TNXB: variants seen among roughly 807,000 people sequenced by gnomAD.
TNXB encodes tenascin-X.
TNXB carries 183 observed loss-of-function variants against 340.5 expected under a neutral mutation model. The ratio of observed to expected loss-of-function variants is 0.54; its 90% CI spans 0.48 to 0.61. The LOEUF (loss-of-function observed/expected upper bound fraction) is 0.61. TNXB is among the 20% of genes least tolerant of loss of function. TNXB has a pLI of 0.00. For synonymous variants in TNXB, 2,121 were observed against 2,314.5 expected (o/e 0.92, Z 2.40); for missense variants, 4,613 against 5,446.4 (o/e 0.85, Z 4.82).
intron 43 of TNXB, 87 bp downstream of exon 43, chr6:32,041,684 G>C (rs1776411688): frequency 8.8e-7 from 1 of 1,140,908 alleles, no homozygotes; most frequent in Non-Finnish European, 1.3e-6. Flanking sequence ...CAGCCACTCA[G>C]TCCCTTGCCT....
chr6:32,095,771 G>A lies in TNXB; in HGVS notation c.2082C>T (p.Pro694=). 1 of 1,613,724 alleles carries A rather than the reference G, an allele frequency of 6.2e-7. No individual in the cohort carries two copies. Among genetic ancestry groups the A allele is most frequent in the Non-Finnish European group, 8.5e-7 (1 of 1,179,800 alleles). Residue 694 remains proline (P), a synonymous_variant, in exon 3 of 44, where the codon CCC becomes CCT. Coordinates refer to ENST00000644971, the MANE Select transcript of TNXB (RefSeq NM_001365276.2). ...PASACPGGCG[P]RELCRAGQCV... is the part of the protein sequence containing the mutation. ...ACTGGCCTGCCCGGCACAGTTCCCGGGGCCCGCAGCCTCCAGGGCAGGCGC... is the reference window on the plus strand; with the variant it reads ...ACTGGCCTGCCCGGCACAGTTCCCGAGGCCCGCAGCCTCCAGGGCAGGCGC...
Position 32,048,477 on chromosome 6 carries a change from C to T in TNXB, c.9931G>A (p.Asp3311Asn). 1 of 1,600,686 alleles carries T rather than the reference C, an allele frequency of 6.2e-7. No homozygotes were observed. Residue 3311 changes from aspartate (D) to asparagine (N), a missense_variant, in exon 29 of 44, where the codon GAC becomes AAC. Transcript: ENST00000644971. ...GQPQAVPVSG[D>N]LRAVAVSGLD... The stretch of plus-strand genomic sequence containing the variant: ...CCCGAGACGGCGACCGCTCGGAGGT[C>T]TCCGCTCACAGGCACTGCCTGGGGC...
At position 32,048,445 on chromosome 6, in the gene TNXB, G is replaced by A; in HGVS notation, c.9963C>T (p.Asp3321=). The A allele has an allele frequency of 6.3e-7, 1 of 1,584,400 alleles. No individual in the cohort carries two copies. Among genetic ancestry groups the A allele is most frequent in the Admixed American group, 1.7e-5 (1 of 57,696 alleles). ...GCAGGAACTTGTACTTGCGGGCCGG[G>A]TCCAGCCCCGAGACGGCGACCGCTC... ...DLRAVAVSGL[D]PARKYKFLLF... is the part of the protein sequence containing the mutation. Residue 3321 remains aspartate (D), a synonymous_variant, in exon 29 of 44, where the codon GAC becomes GAT. Transcript: ENST00000644971.
In TNXB at chr6:32,095,877, C is replaced by T. The variant is rs781597053; in HGVS notation, c.1976G>A (p.Arg659His). Residue 659 changes from arginine (R) to histidine (H), a missense_variant, in exon 3 of 44, where the codon CGT (arginine) becomes CAT (histidine). Transcript: ENST00000644971. ...GCACACTCCTTGCACACACCGCCCACGTCCCCGGCAGTCAGCCGGGCACAT... is the reference window on the plus strand; with the variant it reads ...GCACACTCCTTGCACACACCGCCCATGTCCCCGGCAGTCAGCCGGGCACAT... ...TRMCPADCRG[R>H]GRCVQGVCLC... The T allele has an allele frequency of 2.9e-5, 46 of 1,612,638 alleles. 1 individual carries two copies. Among genetic ancestry groups the T allele is most frequent in the South Asian group, 1.1e-4 (10 of 90,946 alleles).
Position 32,095,685 on chromosome 6 carries a change from C to A in TNXB, c.2168G>T (p.Cys723Phe), listed in dbSNP as rs1780291142. 1.2e-6 allele frequency: 2 copies of A among 1,614,080 alleles called. No individual in the cohort carries two copies. Among genetic ancestry groups the A allele is most frequent in the East Asian group, 2.2e-5 (1 of 44,882 alleles). ...DCAIQTCPGD[C>F]RGRGECHDGS... ...ATCGTGACACTCTCCTCGGCCACGGCAGTCCCCTGGGCATGTCTGGATGGC... is the reference window on the plus strand; with the variant it reads ...ATCGTGACACTCTCCTCGGCCACGGAAGTCCCCTGGGCATGTCTGGATGGC... The change falls in exon 3 of 44, where the codon TGC becomes TTC. Residue 723 changes from cysteine (C) to phenylalanine (F), a missense_variant. By Grantham distance (205) the Cys-to-Phe change is radical. Transcript: ENST00000644971.
chr6:32,062,024 G>C lies in TNXB; in HGVS notation c.7168+133C>G. 1 of 1,225,482 alleles carries C rather than the reference G, an allele frequency of 8.2e-7. No individual in the cohort carries two copies. The highest frequency in any genetic ancestry group is 1.5e-5 in the African/African-American group (1 of 65,660). The allele number at this position is 1,225,482 out of a possible 1,614,324, so 75.9% of individuals were successfully genotyped here. ...GTCAACCACACAAAAAGGTACAATG[G>C]GAGCCCCAGCCCCAGCCACAAGTAG... On this transcript the variant is annotated intron_variant, in intron 20 of 43. Transcript: ENST00000644971. This position sits in a 1 kb window ranked among gnomAD's most constrained non-coding sequence, Gnocchi z 4.3.
intron 6 of TNXB, among the ~76,000 whole-genome samples, chr6:32,088,448 GATCT>G (rs1385941800): frequency 1.3e-5 from 2 of 152,140 alleles, no homozygotes; most frequent in African/African-American, 4.8e-5. Context: ...AGTCCCACAA[GATCT>G]ATCAGCACAA....
chr6:32,070,334 G>A lies in TNXB; in HGVS notation c.5071C>T (p.Arg1691Cys), dbSNP rs1398879319. 8.1e-6 allele frequency: 13 copies of A among 1,610,582 alleles called. No individual in the cohort carries two copies. The highest frequency in any genetic ancestry group is 5.3e-5 in the African/African-American group (4 of 74,906). ...CCCTCAGGAACCGTCCAGGAGAGGC[G>A]CAGTGAGTCTGGGGTGGGGTCTGTC... ...WVTDPTPDSL[R>C]LSWTVPEGQF... The change falls in exon 14 of 44, where the codon CGC (arginine) becomes TGC (cysteine). Residue 1691 changes from arginine to cysteine, a missense_variant. Physicochemically the swap from Arg to Cys is radical, Grantham distance 180. Coordinates refer to ENST00000644971, the MANE Select transcript of TNXB (RefSeq NM_001365276.2). The surrounding 1 kb of genome is among the most constrained non-coding windows in gnomAD (Gnocchi z 6.0).
rs1204591377 is a variant in TNXB, at chr6:32,062,212, C to T, written c.7113G>A (p.Leu2371=). 1 of 1,613,122 alleles carries T rather than the reference C, an allele frequency of 6.2e-7. No homozygotes were observed. Among genetic ancestry groups the T allele is most frequent in the South Asian group, 1.1e-5 (1 of 91,090 alleles). The change falls in exon 20 of 44, where the codon CTG becomes CTA. Residue 2371 remains leucine (L), a synonymous_variant. Coordinates refer to ENST00000644971, the MANE Select transcript of TNXB (RefSeq NM_001365276.2). This position sits in a 1 kb window ranked among gnomAD's most constrained non-coding sequence, Gnocchi z 4.3. ...LEPDNKYKMN[L]YGFHGGQRVG... ...CACGCTGGCCACCGTGGAAGCCGTA[C>T]AGGTTCATCTTGTACTTGTTGTCTG...
chr6:32,052,547 C>T lies in TNXB; in HGVS notation c.9115+123G>A. The T allele has an allele frequency of 7.4e-7, 1 of 1,345,614 alleles. No homozygotes were observed. The highest frequency in any genetic ancestry group is 1.5e-5 in the South Asian group (1 of 66,532). The allele number at this position is 1,345,614 out of a possible 1,614,324, so 83.4% of individuals were successfully genotyped here. On this transcript the variant is annotated intron_variant, in intron 26 of 43. Coordinates refer to ENST00000644971, the MANE Select transcript of TNXB (RefSeq NM_001365276.2). This position sits in a 1 kb window ranked among gnomAD's most constrained non-coding sequence, Gnocchi z 4.7. ...TCCAAATCTGCTTTTTAACAAAAAT[C>T]TCCAGGCATTTGGATACACAAAGGA...
chr6:32,047,793 A>G lies in TNXB; in HGVS notation c.10265T>C (p.Leu3422Pro). 1 of 1,610,406 alleles carries G rather than the reference A, an allele frequency of 6.2e-7. No homozygotes were observed. The highest frequency in any genetic ancestry group is 8.5e-7 in the Non-Finnish European group (1 of 1,178,996). The change falls in exon 30 of 44, where the codon CTG (leucine) becomes CCG (proline). Residue 3422 changes from leucine (L) to proline (P), a missense_variant. Physicochemically the swap from Leu to Pro is moderately conservative, Grantham distance 98. Transcript: ENST00000644971. This position sits in a 1 kb window ranked among gnomAD's most constrained non-coding sequence, Gnocchi z 6.2. ...GLEPSRKYRF[L>P]LYGLSGRKRL... ...TTTCCTGCCTGACAGACCATAGAGC[A>G]GGAACCTGTATTTCCTACTGGGCTC...
chr6:32,097,975 T>A lies in TNXB; in HGVS notation c.224A>T (p.His75Leu). The A allele has an allele frequency of 1.9e-6, 3 of 1,607,114 alleles. No homozygotes were observed. Among genetic ancestry groups the A allele is most frequent in the Non-Finnish European group, 2.5e-6 (3 of 1,178,010 alleles). ...EGGEKQVVFT[H>L]RINLPPSTGC... is the part of the protein sequence containing the mutation. ...AGTGGAAGGGGGCAGGTTAATGCGG[T>A]GGGTGAATACCACCTGCTTCTCCCC... Residue 75 changes from histidine (H) to leucine (L), a missense_variant, in exon 2 of 44, where the codon CAC (histidine) becomes CTC (leucine). Transcript: ENST00000644971. This position sits in a 1 kb window ranked among gnomAD's most constrained non-coding sequence, Gnocchi z 5.9.
chr6:32,102,381 CAA>C (rs1261665437), intron 1 of TNXB, among the ~76,000 whole-genome samples: 15 of 152,138 alleles, frequency 9.9e-5, no homozygotes, highest in African/African-American at 3.6e-4. Flanking sequence ...GAAAGCAACT[CAA>C]GTGTCCATTC....
Position 32,070,143 on chromosome 6 carries a change from A to T in TNXB, c.5262T>A (p.Thr1754=), listed in dbSNP as rs776497951. 1 of 1,581,932 alleles carries T rather than the reference A, an allele frequency of 6.3e-7. No individual in the cohort carries two copies. Among genetic ancestry groups the T allele is most frequent in the East Asian group, 2.3e-5 (1 of 44,334 alleles). ...GCCCCTCACCCGTGGTGCCGTCGGC[A>T]GTGAGAGGGCCATGGCGCTTCTTGC... ...LLGKKRHGPL[T]ADGTTEARSA... The change falls in exon 14 of 44, where the codon ACT becomes ACA. Residue 1754 remains threonine, a synonymous_variant. Coordinates refer to ENST00000644971, the MANE Select transcript of TNXB (RefSeq NM_001365276.2). This position sits in a 1 kb window ranked among gnomAD's most constrained non-coding sequence, Gnocchi z 6.0.
In TNXB at chr6:32,062,278, C is replaced by A; in HGVS notation, c.7047G>T (p.Val2349=). The change falls in exon 20 of 44, where the codon GTG becomes GTT. Residue 2349 remains valine (V), a synonymous_variant. Coordinates refer to ENST00000644971, the MANE Select transcript of TNXB (RefSeq NM_001365276.2). The surrounding 1 kb of genome is among the most constrained non-coding windows in gnomAD (Gnocchi z 4.3). The stretch of plus-strand genomic sequence containing the variant: ...TGGTGACCCTGTCCTCATGTCCTGG[C>A]ACCCGTGTTGCCTTGGGCTGCCCAT... ...NGDGQPKATR[V]PGHEDRVTIS... The A allele has an allele frequency of 1.9e-6, 3 of 1,613,366 alleles. No homozygotes were observed. Among genetic ancestry groups the A allele is most frequent in the Non-Finnish European group, 8.5e-7 (1 of 1,179,838 alleles).
rs899663568 is a variant in TNXB at position 32,082,068 on chromosome 6, C to T, written c.3704G>A (p.Arg1235Gln). The change falls in exon 9 of 44, where the codon CGG becomes CAG. Residue 1235 changes from arginine (R) to glutamine (Q), a missense_variant. This residue lies in a region of TNXB where 4,327 missense variants were observed against 4,859.4 expected (regional missense o/e 0.89). Transcript: ENST00000644971. The surrounding 1 kb of genome is among the most constrained non-coding windows in gnomAD (Gnocchi z 5.0). ...FTLFGIANKKRYGPLTADGTT... is the reference protein window; with the variant it reads ...FTLFGIANKKQYGPLTADGTT... ...GCCATCGGCCGTGAGGGGGCCATAC[C>T]GCTTCTTGTTCGCAATTCCAAACAG... is the stretch of plus-strand genomic sequence containing the variant. 1.5e-5 allele frequency: 24 copies of T among 1,607,882 alleles called. 1 individual carries two copies. Among genetic ancestry groups the T allele is most frequent in the East Asian group, 2.2e-5 (1 of 44,750 alleles).
rs778622364 is a variant in TNXB at position 32,064,461 on chromosome 6, C to A, written c.6841+360G>T. Among the ~76,000 whole-genome samples, 3 of 152,094 alleles carry A rather than the reference C, an allele frequency of 2.0e-5. No homozygotes were observed. The highest frequency in any genetic ancestry group is 7.2e-5 in the African/African-American group (3 of 41,424). On this transcript the variant is annotated intron_variant, in intron 19 of 43. Coordinates refer to ENST00000644971, the MANE Select transcript of TNXB (RefSeq NM_001365276.2). The surrounding 1 kb of genome is among the most constrained non-coding windows in gnomAD (Gnocchi z 5.3). ...ACTCCTGACCTCAAGTGATCTGCCC[C>A]CTTCGGCCTCCCAAAGTGCTGGGAT... is the stretch of plus-strand genomic sequence containing the variant.
At position 32,073,108 on chromosome 6, in the gene TNXB, C is replaced by T. The variant is rs899600343; in HGVS notation, c.4681+539G>A. On this transcript the variant is annotated intron_variant, in intron 12 of 43. Coordinates refer to ENST00000644971, the MANE Select transcript of TNXB (RefSeq NM_001365276.2). This position sits in a 1 kb window ranked among gnomAD's most constrained non-coding sequence, Gnocchi z 4.6. ...ACAACAATCATGGAGAACCTGTGCC[C>T]AGGAAGCCATGAGGGGCAGGAAGGA... is the stretch of plus-strand genomic sequence containing the variant. 6.6e-6 allele frequency among the ~76,000 whole-genome samples: 1 copy of T among 152,094 alleles called. No homozygotes were observed. Among genetic ancestry groups the T allele is most frequent in the Non-Finnish European group, 1.5e-5 (1 of 68,026 alleles).
chr6:32,075,606 AT>A lies in TNXB; in HGVS notation c.4376-1655del, dbSNP rs1779041021. Among the ~76,000 whole-genome samples the A allele has an allele frequency of 6.6e-6, 1 of 152,030 alleles. No homozygotes were observed. The highest frequency in any genetic ancestry group is 1.5e-5 in the Non-Finnish European group (1 of 68,020). ...CTGTCACATCCGGTGCCACTGACAT[AT>A]TTGTGCAATTTGTTGCCTGTCCCTC... is the stretch of plus-strand genomic sequence containing the variant. On this transcript the variant is annotated intron_variant, in intron 11 of 43. Coordinates refer to ENST00000644971, the MANE Select transcript of TNXB (RefSeq NM_001365276.2). The surrounding 1 kb of genome is among the most constrained non-coding windows in gnomAD (Gnocchi z 4.6).
Sources: gnomAD v4.1 joint callset for allele counts (sites outside exome capture counted in the v4.1 genomes callset) on GRCh38, gnomAD v4.1.1 for gene constraint, gnomAD v4.1.1 regional missense constraint, Gnocchi (gnomAD v3.1) non-coding constraint, MANE v1.5 for transcripts, NCBI Gene and HGNC (gene_info 2026-07-23, HGNC 2026-07-21) for gene names.